CDH23: variants seen among roughly 807,000 people sequenced by gnomAD.
CDH23 encodes the protein cadherin related 23.
A neutral mutation model predicts 317.1 loss-of-function variants in CDH23; 189 were observed. That is an observed-to-expected ratio of 0.60 (90% CI 0.53 to 0.67). The LOEUF (loss-of-function observed/expected upper bound fraction) is 0.67. Among genes scored for constraint, CDH23 ranks in the 30% least tolerant of loss-of-function variants. CDH23 has a pLI of 0.00. For synonymous variants in CDH23, 1,839 were observed against 1,876.8 expected, an observed-to-expected ratio of 0.98 and a Z score of 0.52; for missense variants, 4,401 against 4,592.4, an observed-to-expected ratio of 0.96 and a Z score of 1.20.
chr10:71,600,380 T>A (rs1349818003), intron 9 of CDH23, among the ~76,000 whole-genome samples: 1 of 152,068 alleles, frequency 6.6e-6, no homozygotes, highest in African/African-American at 2.4e-5. Flanking sequence ...TGTGGTCAAA[T>A]AAGTTAGAGA....
chr10:71,560,374 C>G (rs1270911127), intron 6 of CDH23, among the ~76,000 whole-genome samples: 1 of 152,086 alleles, frequency 6.6e-6, no homozygotes, highest in Non-Finnish European at 1.5e-5. Flanking sequence ...TTGGCTACAG[C>G]TCCCCACCAA....
chr10:71,802,926 A>G lies in CDH23; in HGVS notation c.7511A>G (p.Asp2504Gly). The G allele has an allele frequency of 6.2e-7, 1 of 1,613,952 alleles. No homozygotes were observed. Among genetic ancestry groups the G allele is most frequent in the Non-Finnish European group, 8.5e-7 (1 of 1,179,868 alleles). Residue 2504 changes from aspartate (D) to glycine (G), a missense_variant, in exon 54 of 70, where the codon GAC becomes GGC. Coordinates refer to ENST00000224721, the MANE Select transcript of CDH23 (RefSeq NM_022124.6). ...QVVIQVLDVN[D>G]CRPQFSKPQF... ...GTGATCCAAGTGCTGGATGTCAATG[A>G]CTGCCGGCCACAGTTCTCCAAGCCC... is the stretch of plus-strand genomic sequence containing the variant.
chr10:71,789,257 A>G (rs1841181219), intron 45 of CDH23, among the ~76,000 whole-genome samples: 1 of 152,180 alleles, frequency 6.6e-6, no homozygotes, highest in Non-Finnish European at 1.5e-5. Context: ...TGGAAGAGAC[A>G]GTCGTGGTCA....
chr10:71,732,183 C>T lies in CDH23; in HGVS notation c.3912C>T (p.Leu1304=), dbSNP rs1839413172. The T allele has an allele frequency of 1.9e-6, 3 of 1,613,902 alleles. No homozygotes were observed. Among genetic ancestry groups the T allele is most frequent in the Non-Finnish European group, 2.5e-6 (3 of 1,179,846 alleles). Residue 1304 remains leucine, a synonymous_variant, in exon 32 of 70, where the codon CTC becomes CTT. Transcript: ENST00000224721. ...QGFCSVYITL[L]NELDEAVQFS... The stretch of plus-strand genomic sequence containing the variant: ...TCTGCAGCGTCTACATCACTCTGCT[C>T]AACGAGCTGGACGAGGCCGTGCAGT...
At chr10:71,615,360 T>C in intron 9 of CDH23, 144 bp from the exon 10 acceptor site, 3 of 691,498 alleles carry the variant, frequency 4.3e-6, no homozygotes, top group African/African-American at 1.8e-5. Context: ...TCTATTACTC[T>C]TGAACCAGCA....
chr10:71,432,219 T>G (rs929855401), intron 1 of CDH23, among the ~76,000 whole-genome samples: 2 of 149,700 alleles, frequency 1.3e-5, no homozygotes, highest in African/African-American at 5.1e-5. Flanking sequence ...TGTGTGCACA[T>G]GAGTGTGTTT....
intron 22 of CDH23, among the ~76,000 whole-genome samples, chr10:71,701,608 C>G (rs965066507): frequency 6.6e-6 from 1 of 152,094 alleles, no homozygotes; most frequent in Non-Finnish European, 1.5e-5. Context: ...ACTCCCCCAG[C>G]CCTGCGACTG....
chr10:71,697,318 C>G (rs1329435597), intron 22 of CDH23, among the ~76,000 whole-genome samples: 1 of 152,188 alleles, frequency 6.6e-6, no homozygotes, highest in Non-Finnish European at 1.5e-5. Flanking sequence ...AATCCACGAG[C>G]TATCAGGGAA....
At chr10:71,787,707 A>T (rs1841142677) in intron 44 of CDH23, among the ~76,000 whole-genome samples, 1 of 152,224 alleles carries the variant, frequency 6.6e-6, no homozygotes, top group Non-Finnish European at 1.5e-5. Flanking sequence ...ATGTTGCTGC[A>T]AAAGACACGA....
At chr10:71,534,417 G>A (rs900349564) in intron 6 of CDH23, among the ~76,000 whole-genome samples, 5 of 152,242 alleles carry the variant, frequency 3.3e-5, no homozygotes, top group South Asian at 2.1e-4. Flanking sequence ...CCATCGCTGC[G>A]GAATCCCCAC....
intron 12 of CDH23, 97 bp downstream of exon 12, chr10:71,643,963 C>G: frequency 1.4e-6 from 1 of 736,764 alleles, no homozygotes; most frequent in Non-Finnish European, 2.5e-6. Flanking sequence ...TCAGCCCTCC[C>G]CCACCCTCTC....
At chr10:71,576,962 C>T (rs1382893604) in intron 8 of CDH23, among the ~76,000 whole-genome samples, 1 of 152,188 alleles carries the variant, frequency 6.6e-6, no homozygotes, top group African/African-American at 2.4e-5. Flanking sequence ...CAGGCACTTG[C>T]CTGAGCTCTG....
chr10:71,789,079 C>A, intron 45 of CDH23, 37 bp downstream of exon 45: 1 of 1,007,276 alleles, frequency 9.9e-7, no homozygotes, highest in Non-Finnish European at 1.6e-6. Flanking sequence ...CCTGCTGTTG[C>A]CAGGCACCAC....
rs375261987 is a variant in CDH23 at position 71,615,761 on chromosome 10, C to T, written c.945+145C>T. The T allele has an allele frequency of 5.1e-3, 3,197 of 630,438 alleles. 52 individuals carry two copies. The highest frequency in any genetic ancestry group is 0.035 in the South Asian group (1,828 of 52,664). 39.1% of individuals were successfully genotyped at this position (630,438 alleles called of 1,614,324 possible). A position where few individuals can be genotyped will look rare whatever the true frequency, so the allele number is the denominator to read the frequency against. On this transcript the variant is annotated intron_variant, in intron 10 of 69. Transcript: ENST00000224721. ...CGTGCTCTCACCCTGCACTGCCTCC[C>T]GGGGCTGTGCCCAGGGCCCCATCAG... is the stretch of plus-strand genomic sequence containing the variant.
chr10:71,587,045 G>A (rs916028177), intron 9 of CDH23, among the ~76,000 whole-genome samples: 5 of 152,210 alleles, frequency 3.3e-5, no homozygotes, highest in Non-Finnish European at 7.3e-5. Context: ...TTTGCCTTCA[G>A]CTACATACGT....
intron 3 of CDH23, among the ~76,000 whole-genome samples, chr10:71,474,436 C>T (rs1468822272): frequency 1.3e-5 from 2 of 152,212 alleles, no homozygotes; most frequent in Non-Finnish European, 2.9e-5. Flanking sequence ...AGAGACCTTT[C>T]CCCACTTAGT....
chr10:71,727,950 C>T (rs1187770235), intron 30 of CDH23, among the ~76,000 whole-genome samples: 3 of 152,120 alleles, frequency 2.0e-5, no homozygotes, highest in Admixed American at 6.5e-5. Flanking sequence ...AGGCTGAAAC[C>T]GACCAGAGGC....
At chr10:71,793,774 A>T in intron 48 of CDH23, 134 bp downstream of exon 48, 1 of 685,144 alleles carries the variant, frequency 1.5e-6, no homozygotes, top group Non-Finnish European at 2.4e-6. Flanking sequence ...CCTCCTCTGG[A>T]GGGAAACCAG....
rs745662633 is a variant in CDH23, at chr10:71,751,661, C to T, written c.4845+9740C>T. The T allele has an allele frequency of 1.3e-6, 2 of 1,523,168 alleles. No individual in the cohort carries two copies. Among genetic ancestry groups the T allele is most frequent in the Admixed American group, 2.2e-5 (1 of 45,728 alleles). 94.4% of individuals were successfully genotyped at this position (1,523,168 alleles called of 1,614,324 possible). A position where few individuals can be genotyped will look rare whatever the true frequency, so the allele number is the denominator to read the frequency against. ...TCATCGTGCTGTGAAGGTCAGGAAA[C>T]ACTTACCCAGGGATGGGAAGAAGAC... On this transcript the variant is annotated intron_variant, in intron 38 of 69. Coordinates refer to ENST00000224721, the MANE Select transcript of CDH23 (RefSeq NM_022124.6). This position sits in a 1 kb window ranked among gnomAD's most constrained non-coding sequence, Gnocchi z 4.9.
Sources: gnomAD v4.1 joint callset for allele counts (sites outside exome capture counted in the v4.1 genomes callset) on GRCh38, gnomAD v4.1.1 for gene constraint, Gnocchi (gnomAD v3.1) non-coding constraint, MANE v1.5 for transcripts, NCBI Gene and HGNC (gene_info 2026-07-23, HGNC 2026-07-21) for gene names.